ARB2A: variants seen among roughly 807,000 people sequenced by gnomAD.
ARB2A encodes cotranscriptional regulator ARB2A.
At chr5:93,741,619 A>G in the ARB2A span, 189 of 1,445,996 alleles carry the variant, frequency 1.3e-4, no homozygotes, top group Non-Finnish European at 1.6e-4. Flanking sequence ...TCGAGGCTTC[A>G]GAACAGCCAC....
the ARB2A span, among the ~76,000 whole-genome samples, chr5:94,031,565 C>G: frequency 6.6e-6 from 1 of 152,144 alleles, no homozygotes; most frequent in Non-Finnish European, 1.5e-5. Flanking sequence ...TTGGAAAATT[C>G]CCAGCAAGGA....
At chr5:93,749,843 C>T in the ARB2A span, among the ~76,000 whole-genome samples, 3 of 152,054 alleles carry the variant, frequency 2.0e-5, no homozygotes, top group South Asian at 2.1e-4. Context: ...TCTTCAATAA[C>T]ATTAGAGTGT....
the ARB2A span, among the ~76,000 whole-genome samples, chr5:93,916,401 T>C: frequency 6.6e-6 from 1 of 152,174 alleles, no homozygotes; most frequent in Non-Finnish European, 1.5e-5. Flanking sequence ...AAGTATGAAA[T>C]GTATATTTAC....
chr5:93,846,310 C>T, the ARB2A span, among the ~76,000 whole-genome samples: 19 of 150,890 alleles, frequency 1.3e-4, no homozygotes, highest in African/African-American at 4.4e-4. Context: ...TTGAGACCAG[C>T]GTGGGTAACA....
At chr5:93,653,774 T>C in the ARB2A span, among the ~76,000 whole-genome samples, 1 of 152,260 alleles carries the variant, frequency 6.6e-6, no homozygotes, top group South Asian at 2.1e-4. Context: ...TTAGAGTCTA[T>C]CCTTATAAAA....
chr5:94,032,555 G>C, the ARB2A span, among the ~76,000 whole-genome samples: 2,178 of 152,224 alleles, frequency 0.014, 56 homozygotes, highest in African/African-American at 0.049. Flanking sequence ...CATGAGATTT[G>C]TTGGGGACAT....
At chr5:94,043,553 T>C in the ARB2A span, among the ~76,000 whole-genome samples, 1 of 152,242 alleles carries the variant, frequency 6.6e-6, no homozygotes, top group South Asian at 2.1e-4. Flanking sequence ...TGAAACAGCA[T>C]GCTTTCCTTT....
At chr5:93,979,315 C>T in the ARB2A span, among the ~76,000 whole-genome samples, 3 of 151,954 alleles carry the variant, frequency 2.0e-5, no homozygotes, top group Non-Finnish European at 4.4e-5. Context: ...TAATATTTAC[C>T]TTTAGGGCCA....
At chr5:94,096,568 C>A in the ARB2A span, among the ~76,000 whole-genome samples, 1 of 152,060 alleles carries the variant, frequency 6.6e-6, no homozygotes, top group African/African-American at 2.4e-5. Flanking sequence ...TTACAAGGGC[C>A]CAAATCCACA....
At chr5:93,686,026 A>G in the ARB2A span, among the ~76,000 whole-genome samples, 1 of 152,222 alleles carries the variant, frequency 6.6e-6, no homozygotes, top group African/African-American at 2.4e-5. Flanking sequence ...TGTGTTAGGC[A>G]TCAGCTAAGT....
chr5:94,056,235 A>C, the ARB2A span, among the ~76,000 whole-genome samples: 1 of 152,338 alleles, frequency 6.6e-6, no homozygotes, highest in Admixed American at 6.5e-5. Context: ...ATGAATACAA[A>C]AATGTGCTTT....
chr5:93,825,650 T>C, the ARB2A span, among the ~76,000 whole-genome samples: 1 of 152,130 alleles, frequency 6.6e-6, no homozygotes, highest in African/African-American at 2.4e-5. Context: ...TTTGGTGCAA[T>C]AAAAATGAAA....
the ARB2A span, chr5:94,053,092 G>GATAT: frequency 8.5e-7 from 1 of 1,175,004 alleles, no homozygotes; most frequent in South Asian, 1.4e-5. Context: ...TAGATAGATA[G>GATAT]ATAGATAGAT....
At chr5:93,669,614 G>A in the ARB2A span, among the ~76,000 whole-genome samples, 6 of 152,176 alleles carry the variant, frequency 3.9e-5, no homozygotes, top group Non-Finnish European at 8.8e-5. Context: ...ATTACGTGTT[G>A]TTGTCATGTT....
At chr5:93,657,973 A>T in the ARB2A span, among the ~76,000 whole-genome samples, 1 of 152,064 alleles carries the variant, frequency 6.6e-6, no homozygotes, top group Non-Finnish European at 1.5e-5. Flanking sequence ...AATGCTTCCT[A>T]TTTTTGATAC....
At chr5:93,921,156 T>TAA in the ARB2A span, among the ~76,000 whole-genome samples, 1 of 114,438 alleles carries the variant, frequency 8.7e-6, no homozygotes, top group African/African-American at 3.3e-5. Context: ...AAAGACCATG[T>TAA]TAAAAAAAAA....
chr5:94,049,473 G>A, the ARB2A span, among the ~76,000 whole-genome samples: 2 of 152,022 alleles, frequency 1.3e-5, no homozygotes, highest in African/African-American at 2.4e-5. Flanking sequence ...CGAGGCAGGC[G>A]GATGACTTGA....
the ARB2A span, among the ~76,000 whole-genome samples, chr5:93,802,899 A>G: frequency 6.6e-6 from 1 of 152,132 alleles, no homozygotes; most frequent in African/African-American, 2.4e-5. Flanking sequence ...AGAATTAAAG[A>G]ACAGCAGCAA....
chr5:93,690,152 G>A, the ARB2A span, among the ~76,000 whole-genome samples: 4 of 152,274 alleles, frequency 2.6e-5, no homozygotes, highest in African/African-American at 9.6e-5. Context: ...CGAGCTAGCT[G>A]CAGGAGTTTC....
Sources: gnomAD v4.1 joint callset for allele counts (sites outside exome capture counted in the v4.1 genomes callset) on GRCh38, gnomAD v4.1.1 for gene constraint, MANE v1.5 for transcripts, NCBI Gene and HGNC (gene_info 2026-07-23, HGNC 2026-07-21) for gene names.